The following ANK2 variants were observed in gnomAD, a reference collection of about 807,000 sequenced individuals.
ANK2 encodes the protein ankyrin 2.
ANK2 carries 83 observed loss-of-function variants against 360.5 expected under a neutral mutation model. The ratio of observed to expected loss-of-function variants is 0.23; its 90% CI spans 0.19 to 0.28. The LOEUF is 0.28. Ranked by LOEUF, ANK2 falls within the 10% of genes least tolerant of loss-of-function variation. ANK2 has a pLI of 1.00. For synonymous variants in ANK2, 1,740 were observed against 1,759.5 expected, an observed-to-expected ratio of 0.99 and a Z score of 0.28; for missense variants, 4,201 against 4,795.7, an observed-to-expected ratio of 0.88 and a Z score of 3.66.
At chr4:112,837,825 C>T (rs1184817828) in intron 1 of ANK2, among the ~76,000 whole-genome samples, 1 of 152,198 alleles carries the variant, frequency 6.6e-6, no homozygotes, top group African/African-American at 2.4e-5. Context: ...ATGCCTGTAC[C>T]TCATTGTATC....
chr4:112,743,804 C>T, the ANK2 span, among the ~76,000 whole-genome samples: 4 of 152,058 alleles, frequency 2.6e-5, no homozygotes, highest in Admixed American at 2.0e-4. Flanking sequence ...CTTGGCCTCC[C>T]AAAGTGCTGG....
chr4:112,897,356 C>G (rs748296133), intron 1 of ANK2, among the ~76,000 whole-genome samples: 6 of 151,980 alleles, frequency 3.9e-5, no homozygotes, highest in Non-Finnish European at 5.9e-5. Context: ...TTTCATTTTC[C>G]CCTTCTCCAC....
At chr4:113,271,277 C>G (rs1053317262) in intron 14 of ANK2, among the ~76,000 whole-genome samples, 2 of 152,216 alleles carry the variant, frequency 1.3e-5, no homozygotes, top group East Asian at 3.8e-4. Context: ...CATGCGCATT[C>G]ATGCGGCCCA....
chr4:112,868,707 T>G lies in ANK2; in HGVS notation c.-39-35748T>G, dbSNP rs1256324663. Among the ~76,000 whole-genome samples, 4 of 152,194 alleles carry G rather than the reference T, an allele frequency of 2.6e-5. 1 individual carries two copies. Among genetic ancestry groups the G allele is most frequent in the South Asian group, 4.1e-4 (2 of 4,828 alleles). The stretch of plus-strand genomic sequence containing the variant: ...TCTATATTTGTTTCATTTAAAAAAT[T>G]AGGGTATAATTGACAAAATGAAAAT... On this transcript the variant is annotated intron_variant, in intron 1 of 30. Coordinates refer to the ANK2 transcript ENST00000503271.
At chr4:112,718,135 C>G in the ANK2 span, among the ~76,000 whole-genome samples, 297 of 152,320 alleles carry the variant, frequency 1.9e-3, 1 homozygote, top group Non-Finnish European at 3.5e-3. Flanking sequence ...CCTGCCTATT[C>G]TAGGACTTTC....
intron 2 of ANK2, among the ~76,000 whole-genome samples, chr4:113,021,541 CATATATATATATATATATATAT>C (rs57817594): frequency 7.3e-5 from 7 of 95,640 alleles, no homozygotes; most frequent in East Asian, 2.4e-4. Context: ...CACACACAAA[CATATATATATATATATATATAT>C]ATATATATAT....
At chr4:113,279,719 AAT>A (rs2061538351) in intron 17 of ANK2, among the ~76,000 whole-genome samples, 1 of 148,842 alleles carries the variant, frequency 6.7e-6, no homozygotes, top group South Asian at 2.1e-4. Flanking sequence ...ATATATCATA[AAT>A]ATATAACTTT....
chr4:113,120,497 T>A (rs1284205986), intron 1 of ANK2, among the ~76,000 whole-genome samples: 1 of 152,224 alleles, frequency 6.6e-6, no homozygotes, highest in Non-Finnish European at 1.5e-5. Context: ...CTAGATACTA[T>A]TTCCCAACTG....
chr4:113,347,222 T>C (rs1230110084), intron 35 of ANK2, among the ~76,000 whole-genome samples: 2 of 152,178 alleles, frequency 1.3e-5, no homozygotes, highest in Non-Finnish European at 2.9e-5. Flanking sequence ...AGGTTTGACA[T>C]TGTAAATTTT....
At chr4:113,022,958 C>A (rs1422701813) in intron 2 of ANK2, among the ~76,000 whole-genome samples, 1 of 151,818 alleles carries the variant, frequency 6.6e-6, no homozygotes, top group Non-Finnish European at 1.5e-5. Flanking sequence ...ACACATAACT[C>A]TGTGGAGTGT....
the ANK2 span, among the ~76,000 whole-genome samples, chr4:112,727,521 TA>T: frequency 6.6e-6 from 1 of 151,582 alleles, no homozygotes. Flanking sequence ...AATAAATAAA[TA>T]AAACTAGAAA....
intron 2 of ANK2, among the ~76,000 whole-genome samples, chr4:112,991,427 C>T (rs193219936): frequency 9.2e-4 from 140 of 152,008 alleles, no homozygotes; most frequent in Middle Eastern, 6.8e-3. Flanking sequence ...TGGCTTAAAA[C>T]CCAGAAATTT....
At chr4:112,845,712 A>G (rs1336004208) in intron 1 of ANK2, among the ~76,000 whole-genome samples, 7 of 152,212 alleles carry the variant, frequency 4.6e-5, no homozygotes, top group Non-Finnish European at 1.0e-4. Flanking sequence ...TATTGCCATC[A>G]TGTAATAGAG....
At chr4:113,379,871 T>C (rs999215647) in intron 45 of ANK2, among the ~76,000 whole-genome samples, 1 of 152,182 alleles carries the variant, frequency 6.6e-6, no homozygotes, top group Non-Finnish European at 1.5e-5. Flanking sequence ...ATAGAGGTAT[T>C]GGATGATGGC....
intron 13 of ANK2, among the ~76,000 whole-genome samples, chr4:113,260,651 T>C (rs2052328156): frequency 6.6e-6 from 1 of 152,146 alleles, no homozygotes; most frequent in Non-Finnish European, 1.5e-5. Context: ...AGTTAAGACA[T>C]AGTAAAATAA....
rs771964590 is a variant in ANK2 at position 113,355,632 on chromosome 4, G to A, written c.7014G>A (p.Glu2338=). Residue 2338 remains glutamate, a synonymous_variant, in exon 38 of 46, where the codon GAG becomes GAA. Coordinates refer to ENST00000357077, the MANE Select transcript of ANK2 (RefSeq NM_001148.6). ...TGSCSVALAK[E]TPTGLTEEAA... Reference sequence around the variant, plus strand: ...GCTGTAGTGTAGCATTAGCTAAAGAGACACCTACAGGACTGACTGAGGAGG... The same window carrying A: ...GCTGTAGTGTAGCATTAGCTAAAGAAACACCTACAGGACTGACTGAGGAGG... The A allele has an allele frequency of 6.2e-7, 1 of 1,614,048 alleles. No individual in the cohort carries two copies. Among genetic ancestry groups the A allele is most frequent in the African/African-American group, 1.3e-5 (1 of 75,026 alleles).
chr4:112,838,513 CCTT>C (rs940118989), intron 1 of ANK2, among the ~76,000 whole-genome samples: 7 of 152,192 alleles, frequency 4.6e-5, no homozygotes, highest in African/African-American at 1.7e-4. Flanking sequence ...ATGTTCCTCT[CCTT>C]CTCTCTCTTG....
In ANK2 at chr4:113,291,017, T is replaced by C. The variant is rs567388369; in HGVS notation, c.2278-1399T>C. On this transcript the variant is annotated intron_variant, in intron 20 of 45. Transcript: ENST00000357077. ...TTTGTGGCCACAATGTCCACTGATCTATTGAGGGCAAGAACGTTGCTTTGG... is the reference window on the plus strand; with the variant it reads ...TTTGTGGCCACAATGTCCACTGATCCATTGAGGGCAAGAACGTTGCTTTGG... Among the ~76,000 whole-genome samples the C allele has an allele frequency of 8.5e-5, 13 of 152,388 alleles. No individual in the cohort carries two copies. The South Asian group carries it at 2.5e-3, about 29-fold the overall frequency.
At chr4:112,935,816 C>T (rs1228650245) in intron 2 of ANK2, among the ~76,000 whole-genome samples, 2 of 151,864 alleles carry the variant, frequency 1.3e-5, no homozygotes, top group Non-Finnish European at 2.9e-5. Context: ...GCATTCCAGC[C>T]TGGGCAAAAG....
Sources: allele counts gnomAD v4.1 joint callset (sites outside exome capture counted in the v4.1 genomes callset), GRCh38; gene constraint gnomAD v4.1.1; transcripts MANE v1.5; gene names NCBI Gene and HGNC (gene_info 2026-07-23, HGNC 2026-07-21).